The following COIL variants were observed in gnomAD, a reference collection of about 807,000 sequenced individuals.
The protein encoded by COIL is coilin p80.
Under a neutral mutation model 51.6 loss-of-function variants are expected in COIL, and 28 were observed. The observed-to-expected ratio is 0.54, with a 90% CI of 0.40 to 0.74. The LOEUF is 0.74. Among genes scored for constraint, COIL ranks in the 30% least tolerant of loss-of-function variants. COIL has a pLI of 0.00. For synonymous variants in COIL, 233 were observed against 255.8 expected (o/e 0.91, Z 0.85); for missense variants, 667 against 685.9 (o/e 0.97, Z 0.31).
Position 56,960,893 on chromosome 17 carries a change from T to A in COIL, c.127A>T (p.Ser43Cys). The change falls in exon 1 of 7, where the codon AGT becomes TGT. Residue 43 changes from serine (S) to cysteine (C), a missense_variant. Physicochemically the swap from Ser to Cys is moderately radical, Grantham distance 112. Coordinates refer to ENST00000240316, the MANE Select transcript of COIL (RefSeq NM_004645.3). ...NRCRVVTDLISLIRQRFGFSS... is the reference protein window; with the variant it reads ...NRCRVVTDLICLIRQRFGFSS... ...AAGCCGAAGCGCTGGCGGATGAGAC[T>A]AATGAGATCTGTGACGACTCGGCAT... 6.2e-7 allele frequency: 1 copy of A among 1,614,170 alleles called. No individual in the cohort carries two copies.
intron 1 of COIL, 42 bp from the exon 2 acceptor site, chr17:56,951,038 T>A: frequency 6.5e-7 from 1 of 1,527,566 alleles, no homozygotes; most frequent in Non-Finnish European, 8.8e-7. Flanking sequence ...GAGCAATTTA[T>A]AAACACATCT....
chr17:56,949,031 T>G (rs537962979), intron 4 of COIL, among the ~76,000 whole-genome samples: 7 of 152,280 alleles, frequency 4.6e-5, no homozygotes, highest in African/African-American at 1.7e-4. Flanking sequence ...CCCAACACTT[T>G]GGGAAGCCAA....
chr17:56,955,196 C>G lies in COIL; in HGVS notation c.246-4200G>C, dbSNP rs557338468. Among the ~76,000 whole-genome samples the G allele has an allele frequency of 4.5e-3, 689 of 152,312 alleles. 4 individuals are homozygous for G. Among genetic ancestry groups the G allele is most frequent in the Non-Finnish European group, 7.4e-3 (504 of 68,018 alleles). On this transcript the variant is annotated intron_variant, in intron 1 of 6. Coordinates refer to ENST00000240316, the MANE Select transcript of COIL (RefSeq NM_004645.3). ...TCTCCTGCCTCAGCCTCCCAAGTAG[C>G]TGGGATTCCAGGTGCCTGCCACCAC...
At chr17:56,939,365 G>C (rs1910103272) in intron 6 of COIL, among the ~76,000 whole-genome samples, 1 of 152,050 alleles carries the variant, frequency 6.6e-6, no homozygotes, top group Non-Finnish European at 1.5e-5. Context: ...AAGGCCGAGG[G>C]GGAGAAATGC....
At chr17:56,959,011 A>C (rs1223149142) in intron 1 of COIL, among the ~76,000 whole-genome samples, 6 of 152,228 alleles carry the variant, frequency 3.9e-5, no homozygotes, top group Middle Eastern at 3.4e-3. Flanking sequence ...CCTGGTTCAC[A>C]ACTCTGGAAT....
intron 1 of COIL, among the ~76,000 whole-genome samples, chr17:56,953,410 CA>C (rs11382949): frequency 0.18 from 15,039 of 84,192 alleles, 728 homozygotes; most frequent in South Asian, 0.21. Context: ...GACTCCGTCT[CA>C]AAAAAAAAAA....
intron 4 of COIL, among the ~76,000 whole-genome samples, chr17:56,948,950 G>A (rs1910303076): frequency 6.6e-6 from 1 of 151,678 alleles, no homozygotes; most frequent in South Asian, 2.1e-4. Flanking sequence ...CAAATAAGTT[G>A]GTCTAAACTA....
rs546447873 is a variant in COIL at position 56,942,260 on chromosome 17, G to A, written c.1559-137C>T. The A allele has an allele frequency of 4.8e-5, 34 of 710,230 alleles. No individual in the cohort carries two copies. The East Asian group carries it at 9.2e-4, about 19-fold the overall frequency. 44.0% of individuals were successfully genotyped at this position (710,230 alleles called of 1,614,324 possible). ...TTAATGTGAAGGCTGGGTATGTACA[G>A]GAAAGCACAGGGTGCTCAATACTGG... On this transcript the variant is annotated intron_variant, in intron 5 of 6. Transcript: ENST00000240316.
At chr17:56,951,630 G>C (rs1294333113) in intron 1 of COIL, 1 of 152,618 alleles carries the variant, frequency 6.6e-6, no homozygotes, top group African/African-American at 2.4e-5. Context: ...CCAGATATCT[G>C]GTTAAAATTA....
intron 5 of COIL, among the ~76,000 whole-genome samples, chr17:56,944,547 G>A (rs901130693): frequency 2.2e-4 from 33 of 151,516 alleles, no homozygotes; most frequent in African/African-American, 7.3e-4. Flanking sequence ...AGCCGAGATC[G>A]CCCACTGCAC....
At chr17:56,943,653 G>C (rs1260964659) in intron 5 of COIL, among the ~76,000 whole-genome samples, 1 of 152,184 alleles carries the variant, frequency 6.6e-6, no homozygotes, top group African/African-American at 2.4e-5. Context: ...GACTTGACTG[G>C]TAATGGATCA....
Position 56,958,599 on chromosome 17 carries a change from C to A in COIL, c.245+2176G>T, listed in dbSNP as rs144168790. On this transcript the variant is annotated intron_variant, in intron 1 of 6. Coordinates refer to ENST00000240316, the MANE Select transcript of COIL (RefSeq NM_004645.3). ...CATGGTTTGTTTTTGTCATTGTTAA[C>A]TTCATTATGAAGAATGTAATGCCCA... Among the ~76,000 whole-genome samples the A allele has an allele frequency of 4.0e-4, 61 of 152,222 alleles. 1 individual carries two copies. In the East Asian group the frequency reaches 0.011, roughly 27 times the overall value.
At chr17:56,952,245 A>C in intron 1 of COIL, 1 of 493,986 alleles carries the variant, frequency 2.0e-6, no homozygotes, top group Non-Finnish European at 4.0e-6. Flanking sequence ...TCAGCCTCAG[A>C]TTTGACGTGC....
Position 56,953,228 on chromosome 17 carries a change from A to G in COIL, c.246-2232T>C, listed in dbSNP as rs189346532. 2.1e-3 allele frequency among the ~76,000 whole-genome samples: 315 copies of G among 151,852 alleles called. 3 individuals carry two copies. In the East Asian group the frequency reaches 0.023, roughly 11 times the overall value. ...AGATCGAGACCATCCTGGCTAACAC[A>G]GTGAAACCCCGTCTCTACTAAAAAT... On this transcript the variant is annotated intron_variant, in intron 1 of 6. Coordinates refer to ENST00000240316, the MANE Select transcript of COIL (RefSeq NM_004645.3).
rs151281349 is a variant in COIL, at chr17:56,939,087, C to T, written c.1715G>A (p.Ser572Asn). 8.2e-6 allele frequency: 13 copies of T among 1,583,580 alleles called. No individual in the cohort carries two copies. In the African/African-American group the frequency reaches 1.1e-4, roughly 13 times the overall value. ...AGGTCATACTCAGGCAGGTTCTGTA[C>T]TTGATGTGTTACTTGGAGATTCAAT... ...LIIESPSNTSSTEPA is the reference protein window; with the variant it reads ...LIIESPSNTSNTEPA The change falls in exon 7 of 7, where the codon AGT (serine) becomes AAT (asparagine). Residue 572 changes from serine to asparagine, a missense_variant. Physicochemically the swap from Ser to Asn is conservative, Grantham distance 46. Transcript: ENST00000240316.
chr17:56,952,650 C>A (rs1477848801), intron 1 of COIL, among the ~76,000 whole-genome samples: 1 of 152,126 alleles, frequency 6.6e-6, no homozygotes, highest in East Asian at 1.9e-4. Flanking sequence ...TCTTCTCCTG[C>A]CTTCAAACTC....
Position 56,950,489 on chromosome 17 carries a change from T to C in COIL, c.753A>G (p.Glu251=), listed in dbSNP as rs8071691. ...CATCACTGATAGATTCATCACAAGA[T>C]TCAGACTCCGAGGAGGAACTGGGAC... The part of the protein sequence containing the change: ...KESPSSSSES[E]SCDESISDGP... The change falls in exon 2 of 7, where the codon GAA becomes GAG. Residue 251 remains glutamate (E), a synonymous_variant. Transcript: ENST00000240316. 0.83 allele frequency: 1,345,175 copies of C among 1,614,008 alleles called. 562,511 individuals are homozygous for C. The highest frequency in any genetic ancestry group is 1 in the East Asian group (44,846 of 44,878).
At chr17:56,939,195 T>C in intron 6 of COIL, 41 bp from the exon 7 acceptor site, 2 of 1,060,538 alleles carry the variant, frequency 1.9e-6, no homozygotes, top group South Asian at 1.3e-5. Context: ...GCACTTCATT[T>C]TGAGGTCATA....
intron 1 of COIL, among the ~76,000 whole-genome samples, chr17:56,959,748 G>A (rs1159238869): frequency 6.6e-6 from 1 of 152,332 alleles, no homozygotes; most frequent in South Asian, 2.1e-4. Context: ...GGGTAAGGCC[G>A]GGTCTCCGGC....
Sources: allele counts gnomAD v4.1 joint callset (sites outside exome capture counted in the v4.1 genomes callset), GRCh38; gene constraint gnomAD v4.1.1; transcripts MANE v1.5; gene names NCBI Gene and HGNC (gene_info 2026-07-23, HGNC 2026-07-21).